Variants in RELT observed in about 807,000 individuals in gnomAD.
The protein encoded by RELT is tumor necrosis factor receptor superfamily member 19L.
Under a neutral mutation model 51.1 loss-of-function variants are expected in RELT, and 37 were observed. The observed-to-expected ratio is 0.72, with a 90% CI of 0.56 to 0.95. The LOEUF (loss-of-function observed/expected upper bound fraction) is 0.95, where lower values mean the gene tolerates loss of function less well. Among genes scored for constraint, RELT ranks in the 40% least tolerant of loss-of-function variants. RELT has a pLI of 0.00. For synonymous variants in RELT, 241 were observed against 235.7 expected, an observed-to-expected ratio of 1.02 and a Z score of -0.21; for missense variants, 535 against 572.6, an observed-to-expected ratio of 0.93 and a Z score of 0.67.
Position 73,376,469 on chromosome 11 carries a change from A to G in RELT, c.-56A>G, listed in dbSNP as rs1398033954. On this transcript the variant is annotated 5_prime_UTR_variant, in exon 1 of 11. Coordinates refer to ENST00000064780, the MANE Select transcript of RELT (RefSeq NM_152222.2). ...GGCCGCGGCGCCGAGTCGAACGGGG[A>G]GCCGAGCTGGAGCTGCCGCGGCGCA... is the stretch of plus-strand genomic sequence containing the variant. 6.6e-6 allele frequency: 1 copy of G among 151,784 alleles called. No individual in the cohort carries two copies. Among genetic ancestry groups the G allele is most frequent in the East Asian group, 1.9e-4 (1 of 5,138 alleles). The allele number at this position is 151,784 out of a possible 1,614,324, so 9.4% of individuals were successfully genotyped here.
rs1192166712 is a variant in RELT at position 73,391,297 on chromosome 11, C to T, written c.367+74C>T. 2.9e-6 allele frequency: 4 copies of T among 1,375,312 alleles called. No individual in the cohort carries two copies. In the African/African-American group the frequency reaches 5.8e-5, roughly 20 times the overall value. The allele number at this position is 1,375,312 out of a possible 1,614,324, so 85.2% of individuals were successfully genotyped here. On this transcript the variant is annotated intron_variant, in intron 5 of 10. Coordinates refer to ENST00000064780, the MANE Select transcript of RELT (RefSeq NM_152222.2). The stretch of plus-strand genomic sequence containing the variant: ...GGGCCAGTGAGTTGGAGCCCAGCAG[C>T]CTCTGCAGTGTTCATGTGGGGGCAG...
At position 73,395,469 on chromosome 11, in the gene RELT, G is replaced by A. The variant is rs1866303707; in HGVS notation, c.1271G>A (p.Ser424Asn). ...AEENRYVVRLSESNLVI is the reference protein window; with the variant it reads ...AEENRYVVRLNESNLVI ...GAGAACCGCTATGTGGTCCGGCTAA[G>A]TGAGAGCAACCTGGTCATCTGAGGG... The change falls in exon 11 of 11, where the codon AGT (serine) becomes AAT (asparagine). Residue 424 changes from serine (S) to asparagine (N), a missense_variant. Coordinates refer to ENST00000064780, the MANE Select transcript of RELT (RefSeq NM_152222.2). 1 of 810,246 alleles carries A rather than the reference G, an allele frequency of 1.2e-6. No homozygotes were observed. The highest frequency in any genetic ancestry group is 2.2e-6 in the Non-Finnish European group (1 of 444,918). 50.2% of individuals were successfully genotyped at this position (810,246 alleles called of 1,614,324 possible). A position where few individuals can be genotyped will look rare whatever the true frequency, so the allele number is the denominator to read the frequency against.
intron 6 of RELT, chr11:73,392,974 C>T (rs1007710567): frequency 3.0e-6 from 3 of 999,000 alleles, no homozygotes; most frequent in Non-Finnish European, 3.6e-6. Flanking sequence ...ACCACCTTCA[C>T]CCCCAGGGCC....
At position 73,394,841 on chromosome 11, in the gene RELT, G is replaced by A; in HGVS notation, c.1046+107G>A. ...GGGCCCTGAGCACCCTGCTCAATGG[G>A]AGCCCTGCCCTTATTGGGCCTCTCT... On this transcript the variant is annotated intron_variant, in intron 9 of 10. Coordinates refer to ENST00000064780, the MANE Select transcript of RELT (RefSeq NM_152222.2). This position sits in a 1 kb window ranked among gnomAD's most constrained non-coding sequence, Gnocchi z 4.9. 1 of 1,365,276 alleles carries A rather than the reference G, an allele frequency of 7.3e-7. No individual in the cohort carries two copies. Among genetic ancestry groups the A allele is most frequent in the Non-Finnish European group, 9.9e-7 (1 of 1,005,104 alleles). The allele number at this position is 1,365,276 out of a possible 1,614,324, so 84.6% of individuals were successfully genotyped here.
At chr11:73,387,887 G>A (rs1420089326) in intron 1 of RELT, among the ~76,000 whole-genome samples, 3 of 152,178 alleles carry the variant, frequency 2.0e-5, no homozygotes, top group African/African-American at 7.2e-5. Flanking sequence ...CCAGTGGCTG[G>A]GTTCCCAGGC....
Position 73,392,987 on chromosome 11 carries a change from G to A in RELT, c.625+519G>A, listed in dbSNP as rs144172270. The A allele has an allele frequency of 3.7e-4, 371 of 1,005,170 alleles. No individual in the cohort carries two copies. In the African/African-American group the frequency reaches 4.6e-3, roughly 13 times the overall value. 62.3% of individuals were successfully genotyped at this position (1,005,170 alleles called of 1,614,324 possible). On this transcript the variant is annotated intron_variant, in intron 6 of 10. Transcript: ENST00000064780. ...CCACCACCTTCACCCCCAGGGCCCC[G>A]GGCCCCTTTCCTTCTTCCCCACACC...
intron 1 of RELT, among the ~76,000 whole-genome samples, chr11:73,380,894 C>T (rs1271724901): frequency 2.0e-5 from 3 of 152,140 alleles, no homozygotes; most frequent in South Asian, 2.1e-4. Context: ...GTGCTGAACC[C>T]GTGTCTTTCT....
At position 73,390,739 on chromosome 11, in the gene RELT, C is replaced by T. The variant is rs755447762; in HGVS notation, c.121-16C>T. ...GCTTGGCTCCTGGCCATGCTCTCACCCTTTACCTCCCACAGGACCCAGGGC... is the reference window on the plus strand; with the variant it reads ...GCTTGGCTCCTGGCCATGCTCTCACTCTTTACCTCCCACAGGACCCAGGGC... On this transcript the variant is annotated splice_polypyrimidine_tract_variant and intron_variant, in intron 3 of 10. Transcript: ENST00000064780. The T allele has an allele frequency of 1.9e-6, 3 of 1,606,856 alleles. No individual in the cohort carries two copies. Among genetic ancestry groups the T allele is most frequent in the Non-Finnish European group, 2.5e-6 (3 of 1,176,664 alleles).
chr11:73,394,772 C>G lies in RELT; in HGVS notation c.1046+38C>G. The G allele has an allele frequency of 6.3e-7, 1 of 1,590,800 alleles. No individual in the cohort carries two copies. Among genetic ancestry groups the G allele is most frequent in the Non-Finnish European group, 8.5e-7 (1 of 1,171,602 alleles). Reference sequence around the variant, plus strand: ...CAGATGCAGCAGGGGCAGGTAAAGACGTGACAGCCTGGGGGCCGGGAGGGG... The same window carrying G: ...CAGATGCAGCAGGGGCAGGTAAAGAGGTGACAGCCTGGGGGCCGGGAGGGG... On this transcript the variant is annotated intron_variant, in intron 9 of 10. Coordinates refer to ENST00000064780, the MANE Select transcript of RELT (RefSeq NM_152222.2). This position sits in a 1 kb window ranked among gnomAD's most constrained non-coding sequence, Gnocchi z 4.9.
rs1866209113 is a variant in RELT at position 73,391,194 on chromosome 11, G to C, written c.338G>C (p.Trp113Ser). The part of the protein sequence containing the change: ...VPRVPCQPCS[W>S]APLGTHGCDE... ...CGCGTTCCATGTCAACCATGTTCCT[G>C]GGCACCTCTGGGTACTCATGGCTGT... The change falls in exon 5 of 11, where the codon TGG becomes TCG. Residue 113 changes from tryptophan (W) to serine (S), a missense_variant. Coordinates refer to ENST00000064780, the MANE Select transcript of RELT (RefSeq NM_152222.2). 1.9e-6 allele frequency: 3 copies of C among 1,613,964 alleles called. No homozygotes were observed. Among genetic ancestry groups the C allele is most frequent in the Non-Finnish European group, 2.5e-6 (3 of 1,179,944 alleles).
chr11:73,395,719 G>T lies in RELT; in HGVS notation c.*228G>T, dbSNP rs1035602614. The stretch of plus-strand genomic sequence containing the variant: ...GCTGAGCCCCGCCCCTGGCCCTGCT[G>T]CCATGTTGCTCCCCTGAAGGATGCC... On this transcript the variant is annotated 3_prime_UTR_variant, in exon 11 of 11. Coordinates refer to ENST00000064780, the MANE Select transcript of RELT (RefSeq NM_152222.2). The T allele has an allele frequency of 6.2e-5, 36 of 580,960 alleles. No homozygotes were observed. The highest frequency in any genetic ancestry group is 1.0e-4 in the Non-Finnish European group (33 of 325,088). The allele number at this position is 580,960 out of a possible 1,614,324, so 36.0% of individuals were successfully genotyped here.
intron 1 of RELT, among the ~76,000 whole-genome samples, chr11:73,379,872 C>G (rs1486902766): frequency 6.6e-6 from 1 of 152,224 alleles, no homozygotes; most frequent in African/African-American, 2.4e-5. Flanking sequence ...GGCAATGAGG[C>G]CTTTCCTTCC....
chr11:73,393,247 G>C (rs1866248472), intron 6 of RELT: 1 of 1,009,362 alleles, frequency 9.9e-7, no homozygotes, highest in Non-Finnish European at 1.2e-6. Context: ...GGGCCATTTT[G>C]CCTGGGACTG....
intron 1 of RELT, among the ~76,000 whole-genome samples, chr11:73,384,068 G>T (rs757343904): frequency 1.3e-5 from 2 of 152,146 alleles, no homozygotes; most frequent in South Asian, 4.1e-4. Context: ...AAGCAGAGTA[G>T]CTGCCTCCCT....
chr11:73,388,379 AC>A lies in RELT; in HGVS notation c.-25-729del. On this transcript the variant is annotated intron_variant, in intron 1 of 10. Transcript: ENST00000064780. This position sits in a 1 kb window ranked among gnomAD's most constrained non-coding sequence, Gnocchi z 4.1. ...AGACAGAGCACTGGCTGCCGTGACC[AC>A]CCCAGCCCCATAGGTCTGCCAGGGG... Among the ~76,000 whole-genome samples, 1 of 152,042 alleles carries A rather than the reference AC, an allele frequency of 6.6e-6. No individual in the cohort carries two copies. Among genetic ancestry groups the A allele is most frequent in the South Asian group, 2.1e-4 (1 of 4,804 alleles).
intron 1 of RELT, among the ~76,000 whole-genome samples, chr11:73,380,164 A>G (rs1029249080): frequency 6.6e-6 from 1 of 152,192 alleles, no homozygotes; most frequent in South Asian, 2.1e-4. Flanking sequence ...CAGCGTGGCC[A>G]GTAGCCCACC....
At chr11:73,377,501 G>C (rs930593919) in intron 1 of RELT, among the ~76,000 whole-genome samples, 1 of 152,068 alleles carries the variant, frequency 6.6e-6, no homozygotes, top group African/African-American at 2.4e-5. Context: ...GAAAGCCGAG[G>C]CTGGGCAACA....
In RELT at chr11:73,388,611, C is replaced by T. The variant is rs1460449865; in HGVS notation, c.-25-501C>T. ...TTTGAAGGGTAAAGGAAAAGGCCTTCCTTGGACCAGAACCAGCAGGAGTGA... is the reference window on the plus strand; with the variant it reads ...TTTGAAGGGTAAAGGAAAAGGCCTTTCTTGGACCAGAACCAGCAGGAGTGA... On this transcript the variant is annotated intron_variant, in intron 1 of 10. Coordinates refer to ENST00000064780, the MANE Select transcript of RELT (RefSeq NM_152222.2). The surrounding 1 kb of genome is among the most constrained non-coding windows in gnomAD (Gnocchi z 4.1). Among the ~76,000 whole-genome samples the T allele has an allele frequency of 6.6e-6, 1 of 152,212 alleles. No individual in the cohort carries two copies. Among genetic ancestry groups the T allele is most frequent in the East Asian group, 1.9e-4 (1 of 5,198 alleles).
Position 73,390,550 on chromosome 11 carries a change from G to A in RELT, c.46-1G>A, listed in dbSNP as rs1359182653. 1 of 1,613,994 alleles carries A rather than the reference G, an allele frequency of 6.2e-7. No individual in the cohort carries two copies. The highest frequency in any genetic ancestry group is 1.1e-5 in the South Asian group (1 of 91,086). On this transcript the variant is annotated splice_acceptor_variant, in intron 2 of 10. Coordinates refer to ENST00000064780, the MANE Select transcript of RELT (RefSeq NM_152222.2). LOFTEE classifies it high-confidence loss of function. ...TCTTTCAATGCCTACTGTTCTTCTAGCTGCTGCCCTGGCCTCTCGCCACCC... is the reference window on the plus strand; with the variant it reads ...TCTTTCAATGCCTACTGTTCTTCTAACTGCTGCCCTGGCCTCTCGCCACCC...
Sources: gnomAD v4.1 joint callset for allele counts (sites outside exome capture counted in the v4.1 genomes callset) on GRCh38, gnomAD v4.1.1 for gene constraint, Gnocchi (gnomAD v3.1) non-coding constraint, MANE v1.5 for transcripts, NCBI Gene and HGNC (gene_info 2026-07-23, HGNC 2026-07-21) for gene names.